DDIAS: variants seen among roughly 807,000 people sequenced by gnomAD.
DDIAS encodes the protein DNA damage induced apoptosis suppressor, also known as DNA damage-induced apoptosis suppressor protein.
A neutral mutation model predicts 15.7 loss-of-function variants in DDIAS; 14 were observed. That is an observed-to-expected ratio of 0.89 (90% CI 0.59 to 1.39). The LOEUF (loss-of-function observed/expected upper bound fraction) is 1.39, where lower values mean the gene tolerates loss of function less well. Among genes scored for constraint, DDIAS ranks in the 40% most tolerant of loss-of-function variants. The pLI, the probability that DDIAS is intolerant of heterozygous loss-of-function variation, is 0.00. For missense variants in DDIAS, 1,035 were observed against 1,130.9 expected (o/e 0.92, Z 1.22); for synonymous variants, 355 against 395.9 (o/e 0.90, Z 1.23).
intron 3 of DDIAS, among the ~76,000 whole-genome samples, chr11:82,916,300 A>C (rs181172705): frequency 1.2e-3 from 189 of 152,308 alleles, no homozygotes; most frequent in African/African-American, 4.3e-3. Context: ...TTATTATTAT[A>C]ATCTATTATA....
intron 1 of DDIAS, among the ~76,000 whole-genome samples, chr11:82,905,016 A>G (rs1361158691): frequency 1.3e-5 from 2 of 152,172 alleles, no homozygotes; most frequent in East Asian, 3.8e-4. Context: ...ACATCTTTGG[A>G]TTACAGTTCA....
At chr11:82,921,550 T>TCA (rs1297484480) in intron 3 of DDIAS, among the ~76,000 whole-genome samples, 2 of 151,230 alleles carry the variant, frequency 1.3e-5, no homozygotes, top group Non-Finnish European at 3.0e-5. Context: ...GAGCTCCTTT[T>TCA]CACAGTTTTT....
In DDIAS at chr11:82,915,080, A is replaced by G. The variant is rs139177881; in HGVS notation, c.113+229A>G. On this transcript the variant is annotated intron_variant, in intron 3 of 5. Coordinates refer to ENST00000533655, the MANE Select transcript of DDIAS (RefSeq NM_145018.4). Reference sequence around the variant, plus strand: ...TAAATACTTGCCTCATTGAAGAAAAATAACTTCTCAGAGAGTAAGTTCCAA... The same window carrying G: ...TAAATACTTGCCTCATTGAAGAAAAGTAACTTCTCAGAGAGTAAGTTCCAA... 1.3e-3 allele frequency among the ~76,000 whole-genome samples: 200 copies of G among 152,368 alleles called. 3 individuals are homozygous for G. Among genetic ancestry groups the G allele is most frequent in the African/African-American group, 4.5e-3 (189 of 41,590 alleles).
At chr11:82,907,251 G>C (rs921001571) in intron 1 of DDIAS, among the ~76,000 whole-genome samples, 1 of 152,140 alleles carries the variant, frequency 6.6e-6, no homozygotes, top group Admixed American at 6.5e-5. Context: ...GTTTCTCTTG[G>C]CATAAATTAC....
At chr11:82,914,039 C>A in intron 2 of DDIAS, 1 of 384,778 alleles carries the variant, frequency 2.6e-6, no homozygotes. Context: ...TAGGTTCAAG[C>A]AATTCTCCTG....
chr11:82,931,623 T>C, intron 5 of DDIAS, 109 bp from the exon 6 acceptor site: 2 of 959,950 alleles, frequency 2.1e-6, no homozygotes, highest in South Asian at 3.5e-5. Flanking sequence ...CCTCTCAAAG[T>C]GCTGGGATTA....
At chr11:82,908,401 C>G (rs1281427550) in intron 1 of DDIAS, among the ~76,000 whole-genome samples, 2 of 152,188 alleles carry the variant, frequency 1.3e-5, no homozygotes, top group Non-Finnish European at 2.9e-5. Flanking sequence ...AGGTAAGAGA[C>G]AGCATGTTCA....
intron 1 of DDIAS, among the ~76,000 whole-genome samples, chr11:82,902,658 G>A (rs1019543815): frequency 1.2e-4 from 18 of 152,138 alleles, no homozygotes; most frequent in Non-Finnish European, 2.1e-4. Context: ...TGTTCCTGAA[G>A]TGCACTATCC....
At chr11:82,917,130 A>G (rs1860647332) in intron 3 of DDIAS, among the ~76,000 whole-genome samples, 1 of 145,122 alleles carries the variant, frequency 6.9e-6, no homozygotes, top group Non-Finnish European at 1.5e-5. Flanking sequence ...TTTTAAAACT[A>G]TTTCCATAAT....
At position 82,931,830 on chromosome 11, in the gene DDIAS, G is replaced by A; in HGVS notation, c.492G>A (p.Gln164=). The A allele has an allele frequency of 1.9e-6, 3 of 1,614,196 alleles. No homozygotes were observed. The highest frequency in any genetic ancestry group is 2.5e-6 in the Non-Finnish European group (3 of 1,180,030). ...KRKAKALVAC[Q]IVLPDPGIAG... is the part of the protein sequence containing the mutation. ...AAGCCAAAGCACTAGTGGCTTGCCA[G>A]ATTGTTCTACCAGACCCAGGTATTG... is the stretch of plus-strand genomic sequence containing the variant. Residue 164 remains glutamine, a synonymous_variant, in exon 6 of 6, where the codon CAG becomes CAA. Transcript: ENST00000533655.
intron 1 of DDIAS, among the ~76,000 whole-genome samples, chr11:82,911,778 TG>T (rs1860534433): frequency 6.6e-6 from 1 of 152,244 alleles, no homozygotes; most frequent in African/African-American, 2.4e-5. Flanking sequence ...GCATTATCTA[TG>T]GCAGCTATGG....
intron 3 of DDIAS, among the ~76,000 whole-genome samples, chr11:82,928,489 G>T (rs553650274): frequency 6.6e-6 from 1 of 151,968 alleles, no homozygotes; most frequent in Admixed American, 6.6e-5. Context: ...GTGAACCACC[G>T]CGCCCGGCCT....
At chr11:82,929,066 CA>C (rs1330470526) in intron 4 of DDIAS, 128 bp downstream of exon 4, 5 of 1,024,004 alleles carry the variant, frequency 4.9e-6, no homozygotes, top group African/African-American at 1.7e-5. Flanking sequence ...CTTTAAAAGA[CA>C]AGCAAGTAAG....
chr11:82,923,191 A>G (rs183593591), intron 3 of DDIAS, among the ~76,000 whole-genome samples: 137 of 152,348 alleles, frequency 9.0e-4, no homozygotes, highest in African/African-American at 3.2e-3. Flanking sequence ...TAAAATTCAT[A>G]GTGCGAGCCC....
At chr11:82,912,322 A>G (rs915004353) in intron 1 of DDIAS, among the ~76,000 whole-genome samples, 1 of 149,396 alleles carries the variant, frequency 6.7e-6, no homozygotes, top group African/African-American at 2.4e-5. Context: ...ACCATCATCA[A>G]CTAGTTAAGA....
At position 82,930,200 on chromosome 11, in the gene DDIAS, G is replaced by T. The variant is rs1590812171; in HGVS notation, c.319G>T (p.Asp107Tyr). 1.2e-6 allele frequency: 2 copies of T among 1,602,336 alleles called. No individual in the cohort carries two copies. Among genetic ancestry groups the T allele is most frequent in the African/African-American group, 2.7e-5 (2 of 74,440 alleles). ...PNKIPETLDNDTTQNLLTKAV... is the reference protein window; with the variant it reads ...PNKIPETLDNYTTQNLLTKAV... ...TAAAATTCCAGAAACACTGGACAATGATACAACTCAGAATCTATTAACTAA... is the reference window on the plus strand; with the variant it reads ...TAAAATTCCAGAAACACTGGACAATTATACAACTCAGAATCTATTAACTAA... The change falls in exon 5 of 6, where the codon GAT becomes TAT. Residue 107 changes from aspartate to tyrosine, a missense_variant. By Grantham distance (160) the Asp-to-Tyr change is radical (BLOSUM62 -3). Transcript: ENST00000533655.
chr11:82,901,919 C>T lies in DDIAS; in HGVS notation c.-117+97C>T, dbSNP rs1181394035. ...TGAATGAGACCCACCCAGAGCCCGG[C>T]GCTTGTTTTTTCACAAGTGGTTCTC... On this transcript the variant is annotated intron_variant, in intron 1 of 5. Transcript: ENST00000533655. 3 of 152,272 alleles carry T rather than the reference C, an allele frequency of 2.0e-5. No individual in the cohort carries two copies. The East Asian group carries it at 5.8e-4, about 29-fold the overall frequency. 9.4% of individuals were successfully genotyped at this position (152,272 alleles called of 1,614,324 possible).
At position 82,933,948 on chromosome 11, in the gene DDIAS, A is replaced by G. The variant is rs756218872; in HGVS notation, c.2610A>G (p.Gln870=). Reference sequence around the variant, plus strand: ...ATGAATGGGTCCCTCCTACCACACAAAAAATATTTCCTTCAGATATGCTTG... The same window carrying G: ...ATGAATGGGTCCCTCCTACCACACAGAAAATATTTCCTTCAGATATGCTTG... ...DSDEWVPPTT[Q]KIFPSDMLGF... Residue 870 remains glutamine (Q), a synonymous_variant, in exon 6 of 6, where the codon CAA becomes CAG. Coordinates refer to ENST00000533655, the MANE Select transcript of DDIAS (RefSeq NM_145018.4). 1 of 1,612,546 alleles carries G rather than the reference A, an allele frequency of 6.2e-7. No individual in the cohort carries two copies.
intron 1 of DDIAS, among the ~76,000 whole-genome samples, chr11:82,908,406 T>G (rs1008049460): frequency 3.3e-5 from 5 of 152,334 alleles, no homozygotes; most frequent in Middle Eastern, 3.4e-3. Flanking sequence ...AGAGACAGCA[T>G]GTTCAGGAGT....
Sources: gnomAD v4.1 joint callset for allele counts (sites outside exome capture counted in the v4.1 genomes callset) on GRCh38, gnomAD v4.1.1 for gene constraint, MANE v1.5 for transcripts, NCBI Gene and HGNC (gene_info 2026-07-23, HGNC 2026-07-21) for gene names.